Variants in ZNF682 observed in about 807,000 individuals in gnomAD.
The protein encoded by ZNF682 is zinc finger protein 682.
In ZNF682, 29 loss-of-function variants were observed where a neutral mutation model predicts 36.5. That is an observed-to-expected ratio of 0.80 (90% confidence interval 0.59 to 1.08). ZNF682 has a LOEUF of 1.08. ZNF682 is among the 50% of genes least tolerant of loss of function. ZNF682 has a pLI of 0.00. For missense variants in ZNF682, 561 were observed against 579.7 expected (o/e 0.97, Z 0.33); for synonymous variants, 180 against 197.0 (o/e 0.91, Z 0.72).
chr19:20,031,174 T>C (rs149589213), intron 1 of ZNF682: 7 of 152,372 alleles, frequency 4.6e-5, no homozygotes, highest in African/African-American at 1.7e-4. Context: ...TAAACCCATA[T>C]GTGATATCAC....
chr19:20,020,917 A>G (rs918012423), intron 3 of ZNF682, among the ~76,000 whole-genome samples: 1 of 151,856 alleles, frequency 6.6e-6, no homozygotes, highest in African/African-American at 2.4e-5. Flanking sequence ...AAGTGGGGAA[A>G]ATGGGAAGAT....
intron 1 of ZNF682, chr19:20,039,118 G>T (rs2088560610): frequency 7.2e-7 from 1 of 1,386,808 alleles, no homozygotes; most frequent in Non-Finnish European, 9.4e-7. Flanking sequence ...GGCTCCGGGC[G>T]GGAAGCGGGA....
downstream of ZNF682, among the ~76,000 whole-genome samples, chr19:20,002,325 C>T (rs894290702): frequency 1.3e-5 from 2 of 151,458 alleles, no homozygotes; most frequent in African/African-American, 4.9e-5. Flanking sequence ...GATCTCCTGA[C>T]CTCATGATCC....
chr19:20,030,282 C>T (rs1031785893), intron 1 of ZNF682, among the ~76,000 whole-genome samples: 3 of 152,024 alleles, frequency 2.0e-5, no homozygotes, highest in African/African-American at 7.2e-5. Context: ...GAAATAATAA[C>T]TATAGGGCTG....
rs1413771608 is a variant in ZNF682 at position 20,022,913 on chromosome 19, G to A, written c.226+91C>T. The A allele has an allele frequency of 4.7e-6, 5 of 1,064,866 alleles. No individual in the cohort carries two copies. In the African/African-American group the frequency reaches 7.9e-5, roughly 17 times the overall value. The allele number at this position is 1,064,866 out of a possible 1,614,324, so 66.0% of individuals were successfully genotyped here. On this transcript the variant is annotated intron_variant, in intron 3 of 3. Coordinates refer to ENST00000397165, the MANE Select transcript of ZNF682 (RefSeq NM_033196.3). Reference sequence around the variant, plus strand: ...TTCCTCAAAAATCATCTCCATTGGAGCAGAGCTTCTCAAATAACTCTTGAA... The same window carrying A: ...TTCCTCAAAAATCATCTCCATTGGAACAGAGCTTCTCAAATAACTCTTGAA...
chr19:20,039,339 T>G lies in ZNF682; in HGVS notation c.3+4A>C. 1 of 1,612,246 alleles carries G rather than the reference T, an allele frequency of 6.2e-7. No homozygotes were observed. The highest frequency in any genetic ancestry group is 8.5e-7 in the Non-Finnish European group (1 of 1,179,884). The stretch of plus-strand genomic sequence containing the variant: ...CCTCGGGATGCGCGGCCTGGCACAC[T>G]CACCATTTTTCGGCTTCCGGGATGT... On this transcript the variant is annotated splice_donor_region_variant and intron_variant, in intron 1 of 3. Transcript: ENST00000397165.
chr19:20,001,929 TTG>T (rs2088170206), downstream of ZNF682, among the ~76,000 whole-genome samples: 1 of 152,142 alleles, frequency 6.6e-6, no homozygotes, highest in Non-Finnish European at 1.5e-5. Flanking sequence ...TAAAGGAAGT[TTG>T]TCTGTGGCAA....
chr19:20,012,603 T>G (rs1474557454), intron 3 of ZNF682, among the ~76,000 whole-genome samples: 1 of 151,606 alleles, frequency 6.6e-6, no homozygotes, highest in Admixed American at 6.6e-5. Context: ...CCGTTTCTAC[T>G]AAAAAATACA....
intron 3 of ZNF682, among the ~76,000 whole-genome samples, chr19:20,022,684 G>C (rs2122360677): frequency 1.3e-5 from 2 of 152,050 alleles, no homozygotes; most frequent in Admixed American, 1.3e-4. Context: ...GAAAAAAATA[G>C]TTTAACATAG....
intron 3 of ZNF682, among the ~76,000 whole-genome samples, chr19:20,019,624 A>G (rs1169309784): frequency 6.6e-6 from 1 of 152,172 alleles, no homozygotes; most frequent in African/African-American, 2.4e-5. Context: ...AAAGGCAAAA[A>G]CAATAATAAG....
downstream of ZNF682, among the ~76,000 whole-genome samples, chr19:20,002,210 G>C (rs2088172197): frequency 2.0e-5 from 3 of 151,596 alleles, no homozygotes; most frequent in Admixed American, 2.0e-4. Flanking sequence ...AACCTCCCGA[G>C]TAGCTGGGAC....
rs924348230 is a variant in ZNF682 at position 20,033,698 on chromosome 19, G to A, written c.3+5645C>T. On this transcript the variant is annotated intron_variant, in intron 1 of 3. Coordinates refer to ENST00000397165, the MANE Select transcript of ZNF682 (RefSeq NM_033196.3). ...CTCTCGAGTAGCTGGGACTACAGGC[G>A]TCCATCACCACGCCTGGCTAATTTT... 1.2e-4 allele frequency among the ~76,000 whole-genome samples: 19 copies of A among 152,088 alleles called. 1 individual carries two copies. Among genetic ancestry groups the A allele is most frequent in the Admixed American group, 1.2e-3 (18 of 15,262 alleles).
At chr19:20,029,168 G>A (rs550862059) in intron 1 of ZNF682, among the ~76,000 whole-genome samples, 10 of 151,636 alleles carry the variant, frequency 6.6e-5, no homozygotes, top group Non-Finnish European at 1.3e-4. Flanking sequence ...TGGTAGAGAT[G>A]GGGTTTCGCC....
At chr19:20,012,041 T>C (rs889389521) in intron 3 of ZNF682, among the ~76,000 whole-genome samples, 4 of 144,598 alleles carry the variant, frequency 2.8e-5, no homozygotes, top group African/African-American at 7.7e-5. Flanking sequence ...CATCTCAAAA[T>C]AAAAAAAAAA....
At chr19:20,021,979 T>G (rs1374142623) in intron 3 of ZNF682, among the ~76,000 whole-genome samples, 1 of 151,810 alleles carries the variant, frequency 6.6e-6, no homozygotes, top group Non-Finnish European at 1.5e-5. Context: ...CAAATCAACC[T>G]GGCCAACATG....
At chr19:20,023,554 T>C (rs1049923704) in intron 2 of ZNF682, among the ~76,000 whole-genome samples, 1 of 152,098 alleles carries the variant, frequency 6.6e-6, no homozygotes, top group African/African-American at 2.4e-5. Context: ...ACAGAAAGTT[T>C]AGAATATTTT....
intron 3 of ZNF682, among the ~76,000 whole-genome samples, chr19:20,018,266 T>G (rs1197213243): frequency 6.6e-6 from 1 of 151,382 alleles, no homozygotes; most frequent in East Asian, 1.9e-4. Context: ...GCTAATTTTT[T>G]GTATTTTTAG....
At chr19:20,035,749 T>C (rs2122394547) in intron 1 of ZNF682, among the ~76,000 whole-genome samples, 2 of 152,072 alleles carry the variant, frequency 1.3e-5, no homozygotes, top group East Asian at 3.9e-4. Flanking sequence ...TGTTTGTTTT[T>C]TTTTGAGATG....
At position 20,039,435 on chromosome 19, in the gene ZNF682, G is replaced by T; in HGVS notation, c.-90C>A. The T allele has an allele frequency of 6.4e-7, 1 of 1,569,236 alleles. No individual in the cohort carries two copies. The highest frequency in any genetic ancestry group is 8.7e-7 in the Non-Finnish European group (1 of 1,150,846). On this transcript the variant is annotated 5_prime_UTR_variant, in exon 1 of 4. Coordinates refer to ENST00000397165, the MANE Select transcript of ZNF682 (RefSeq NM_033196.3). ...GCAACAGAGGCTGCGACAGTCACCG[G>T]GAACTACTAGAGCAGAGGATACTAA...
Sources: allele counts gnomAD v4.1 joint callset (sites outside exome capture counted in the v4.1 genomes callset), GRCh38; gene constraint gnomAD v4.1.1; transcripts MANE v1.5; gene names NCBI Gene and HGNC (gene_info 2026-07-23, HGNC 2026-07-21).